MYO5B: variants seen among roughly 807,000 people sequenced by gnomAD.
MYO5B encodes unconventional myosin-Vb.
Under a neutral mutation model 229.3 loss-of-function variants are expected in MYO5B, and 143 were observed. The ratio of observed to expected loss-of-function variants is 0.62; its 90% CI spans 0.54 to 0.72. The LOEUF (loss-of-function observed/expected upper bound fraction) is 0.72. Ranked by LOEUF, MYO5B falls within the 30% of genes least tolerant of loss-of-function variation. The pLI is 0.00. For missense variants in MYO5B, 2,321 were observed against 2,331.0 expected, an observed-to-expected ratio of 1.00 and a Z score of 0.09; for synonymous variants, 918 against 885.2, an observed-to-expected ratio of 1.04 and a Z score of -0.66.
At chr18:49,966,980 A>C (rs1319639034) in intron 10 of MYO5B, among the ~76,000 whole-genome samples, 11 of 152,236 alleles carry the variant, frequency 7.2e-5, no homozygotes, top group Admixed American at 7.2e-4. Flanking sequence ...TTTAAAATAA[A>C]CACAATGAAT....
Position 50,166,400 on chromosome 18 carries a change from A to G in MYO5B, c.27+28367T>C, listed in dbSNP as rs1407604423. ...TAGTTAAACCTCAGAAAAGATAGAC[A>G]TAAGCAAGCAAATTTGCTAACTCTT... On this transcript the variant is annotated intron_variant, in intron 1 of 39. Coordinates refer to ENST00000285039, the MANE Select transcript of MYO5B (RefSeq NM_001080467.3). Among the ~76,000 whole-genome samples, 5 of 152,238 alleles carry G rather than the reference A, an allele frequency of 3.3e-5. No individual in the cohort carries two copies. In the East Asian group the frequency reaches 7.7e-4, roughly 23 times the overall value.
intron 1 of MYO5B, among the ~76,000 whole-genome samples, chr18:50,154,353 G>A (rs932204776): frequency 1.3e-5 from 2 of 152,108 alleles, no homozygotes; most frequent in Admixed American, 6.6e-5. Context: ...TCACAACATT[G>A]AAGTCAAGAG....
chr18:49,991,935 C>T (rs1459601175), intron 6 of MYO5B, among the ~76,000 whole-genome samples: 1 of 152,146 alleles, frequency 6.6e-6, no homozygotes, highest in South Asian at 2.1e-4. Context: ...AAACCTAAAA[C>T]CCAGACTCCG....
At chr18:49,872,366 C>T in intron 26 of MYO5B, 134 bp from the exon 27 acceptor site, 1 of 844,854 alleles carries the variant, frequency 1.2e-6, no homozygotes, top group Non-Finnish European at 2.0e-6. Context: ...CACAAGTCCA[C>T]TTCCTTCCCA....
At chr18:49,932,674 C>G (rs535747823) in intron 16 of MYO5B, among the ~76,000 whole-genome samples, 9 of 152,192 alleles carry the variant, frequency 5.9e-5, no homozygotes, top group African/African-American at 2.2e-4. Flanking sequence ...CAAAAACAAA[C>G]AAACAAACAA....
At chr18:50,076,711 T>C (rs1031506994) in intron 1 of MYO5B, among the ~76,000 whole-genome samples, 3 of 152,210 alleles carry the variant, frequency 2.0e-5, no homozygotes, top group African/African-American at 7.2e-5. Flanking sequence ...CCTGGTCCAC[T>C]GCCCCCGCTG....
intron 1 of MYO5B, among the ~76,000 whole-genome samples, chr18:50,071,849 C>T (rs1043236420): frequency 2.6e-5 from 4 of 152,238 alleles, no homozygotes; most frequent in Non-Finnish European, 5.9e-5. Context: ...TTAGCACAGG[C>T]TTAAGAGCTA....
intron 35 of MYO5B, 120 bp downstream of exon 35, chr18:49,841,245 G>T: frequency 2.2e-6 from 2 of 907,810 alleles, no homozygotes. Flanking sequence ...GTGTGCCCAC[G>T]GTCTGAGGTC....
intron 2 of MYO5B, among the ~76,000 whole-genome samples, chr18:50,051,401 G>A (rs1350983431): frequency 6.6e-6 from 1 of 152,130 alleles, no homozygotes; most frequent in Non-Finnish European, 1.5e-5. Flanking sequence ...ATAGATAGTA[G>A]ATACAAACTC....
chr18:50,017,405 G>A (rs1410984333), intron 4 of MYO5B, among the ~76,000 whole-genome samples: 4 of 152,174 alleles, frequency 2.6e-5, no homozygotes, highest in Non-Finnish European at 5.9e-5. Flanking sequence ...GATTACAGGC[G>A]TGGGCCACTG....
At chr18:50,096,842 T>C (rs1418724737) in intron 1 of MYO5B, among the ~76,000 whole-genome samples, 1 of 152,206 alleles carries the variant, frequency 6.6e-6, no homozygotes, top group Admixed American at 6.5e-5. Flanking sequence ...GGTCCAACAC[T>C]GGCTTCTATG....
intron 1 of MYO5B, among the ~76,000 whole-genome samples, chr18:50,191,694 C>A (rs2033230290): frequency 6.6e-6 from 1 of 152,142 alleles, no homozygotes; most frequent in African/African-American, 2.4e-5. Flanking sequence ...AGCACTATTT[C>A]AAGGTCATGG....
At chr18:50,136,139 A>T (rs544370877) in intron 1 of MYO5B, among the ~76,000 whole-genome samples, 28 of 152,320 alleles carry the variant, frequency 1.8e-4, no homozygotes, top group African/African-American at 6.7e-4. Context: ...TGGCCGGCTA[A>T]TTCAGGAGCT....
At chr18:49,863,433 T>A in intron 28 of MYO5B, 106 bp from the exon 29 acceptor site, 1 of 940,174 alleles carries the variant, frequency 1.1e-6, no homozygotes, top group Non-Finnish European at 1.7e-6. Flanking sequence ...GACAAAGGCC[T>A]GGAAAGAACA....
chr18:49,976,728 C>T (rs1472316370), intron 9 of MYO5B, among the ~76,000 whole-genome samples: 1 of 152,158 alleles, frequency 6.6e-6, no homozygotes, highest in Non-Finnish European at 1.5e-5. Flanking sequence ...GGAGAAGCCC[C>T]CATCTTTTCA....
chr18:50,147,959 AGAG>A (rs1383380629), intron 1 of MYO5B, among the ~76,000 whole-genome samples: 1 of 152,028 alleles, frequency 6.6e-6, no homozygotes, highest in Non-Finnish European at 1.5e-5. Flanking sequence ...AGAAAAAAAG[AGAG>A]AAGAATCAAA....
intron 1 of MYO5B, chr18:50,097,101 T>C (rs571918114): frequency 5.7e-5 from 23 of 403,652 alleles, no homozygotes; most frequent in African/African-American, 4.1e-4. Context: ...GCTGTTGATA[T>C]GGTTCCCTTG....
chr18:50,098,358 C>A (rs1264850792), intron 1 of MYO5B, among the ~76,000 whole-genome samples: 1 of 152,136 alleles, frequency 6.6e-6, no homozygotes, highest in Non-Finnish European at 1.5e-5. Flanking sequence ...AGGCTCCAAA[C>A]TTAGTTGCCA....
rs544400076 is a variant in MYO5B at position 49,942,632 on chromosome 18, C to T, written c.1753-5235G>A. Reference sequence around the variant, plus strand: ...TGAAAAAATGCTCATCATCACTGGCCATCAGAGAAATGCAAATCAAAACCA... The same window carrying T: ...TGAAAAAATGCTCATCATCACTGGCTATCAGAGAAATGCAAATCAAAACCA... On this transcript the variant is annotated intron_variant, in intron 14 of 39. Coordinates refer to ENST00000285039, the MANE Select transcript of MYO5B (RefSeq NM_001080467.3). 3.8e-3 allele frequency among the ~76,000 whole-genome samples: 575 copies of T among 151,974 alleles called. 5 individuals carry two copies. Among genetic ancestry groups the T allele is most frequent in the African/African-American group, 0.013 (557 of 41,422 alleles).
Sources: gnomAD v4.1 joint callset for allele counts (sites outside exome capture counted in the v4.1 genomes callset) on GRCh38, gnomAD v4.1.1 for gene constraint, MANE v1.5 for transcripts, NCBI Gene and HGNC (gene_info 2026-07-23, HGNC 2026-07-21) for gene names.